The following TRIP12 variants were observed in gnomAD, a reference collection of about 807,000 sequenced individuals.
TRIP12 encodes the protein thyroid hormone receptor interactor 12.
A neutral mutation model predicts 244.2 loss-of-function variants in TRIP12; 25 were observed. The ratio of observed to expected loss-of-function variants is 0.10; its 90% confidence interval spans 0.07 to 0.14. The LOEUF (loss-of-function observed/expected upper bound fraction) is 0.14, where lower values mean the gene tolerates loss of function less well. TRIP12 is among the 10% of genes least tolerant of loss of function. TRIP12 has a pLI of 1.00. For synonymous variants in TRIP12, 905 were observed against 873.1 expected (o/e 1.04, Z -0.64); for missense variants, 1,677 against 2,486.4 (o/e 0.67, Z 6.92).
intron 3 of TRIP12, 63 bp from the exon 4 acceptor site, chr2:229,859,637 A>G (rs2060149281): frequency 1.3e-5 from 20 of 1,497,000 alleles, no homozygotes; most frequent in Non-Finnish European, 1.7e-5. Flanking sequence ...GTCATATATA[A>G]TGCTTTCAAA....
At chr2:229,791,809 A>G (rs769097998) in intron 29 of TRIP12, 57 bp downstream of exon 29, 262 of 1,566,332 alleles carry the variant, frequency 1.7e-4, no homozygotes, top group Admixed American at 2.1e-4. Context: ...GAATTCTAAA[A>G]CACAAGAACA....
intron 40 of TRIP12, 46 bp downstream of exon 40, chr2:229,769,183 CCA>C: frequency 6.4e-7 from 1 of 1,555,668 alleles, no homozygotes; most frequent in Non-Finnish European, 8.8e-7. Context: ...ACACCCCTCT[CCA>C]CATTCTTCAG....
chr2:229,919,992 A>C (rs1577251549), intron 1 of TRIP12, among the ~76,000 whole-genome samples: 2 of 152,346 alleles, frequency 1.3e-5, no homozygotes, highest in South Asian at 4.1e-4. Context: ...CATGTGGTAA[A>C]TATGAAAATC....
intron 38 of TRIP12, among the ~76,000 whole-genome samples, chr2:229,772,411 A>T (rs566980900): frequency 6.6e-6 from 1 of 152,352 alleles, no homozygotes; most frequent in Non-Finnish European, 1.5e-5. Flanking sequence ...CCTACTGAAT[A>T]CTAAAAGGAA....
intron 29 of TRIP12, 68 bp from the exon 30 acceptor site, chr2:229,791,319 C>T (rs897185704): frequency 6.6e-7 from 1 of 1,512,034 alleles, no homozygotes. Context: ...AAAATCTAAG[C>T]CACAGACACC....
intron 12 of TRIP12, 51 bp from the exon 13 acceptor site, chr2:229,814,082 A>G (rs778127910): frequency 6.5e-7 from 1 of 1,529,718 alleles, no homozygotes; most frequent in East Asian, 2.3e-5. Context: ...ATCAGCAATA[A>G]AAAATAATTT....
chr2:229,889,100 T>G (rs1298913288), intron 1 of TRIP12, among the ~76,000 whole-genome samples: 1 of 152,128 alleles, frequency 6.6e-6, no homozygotes, highest in Non-Finnish European at 1.5e-5. Flanking sequence ...ACTAACAGGA[T>G]CCCGCAGGGG....
intron 4 of TRIP12, among the ~76,000 whole-genome samples, chr2:229,843,224 A>G (rs1000094298): frequency 5.3e-5 from 8 of 151,730 alleles, no homozygotes; most frequent in African/African-American, 1.9e-4. Flanking sequence ...TCTTACCCCA[A>G]AGGTTTTGTG....
At chr2:229,880,647 T>C (rs935222869) in intron 1 of TRIP12, among the ~76,000 whole-genome samples, 1 of 152,112 alleles carries the variant, frequency 6.6e-6, no homozygotes, top group Non-Finnish European at 1.5e-5. Flanking sequence ...AAAAAATAAA[T>C]ACAAACAAAA....
In TRIP12 at chr2:229,765,297, C is replaced by G. The variant is rs2031417570; in HGVS notation, c.*2257G>C. ...AGTGCTCGTTGATAGGATTACCAAGCAAATGAATTTAAGGCATAACTGGAG... is the reference window on the plus strand; with the variant it reads ...AGTGCTCGTTGATAGGATTACCAAGGAAATGAATTTAAGGCATAACTGGAG... On this transcript the variant is annotated 3_prime_UTR_variant, in exon 42 of 42. Coordinates refer to ENST00000675903, the MANE Select transcript of TRIP12 (RefSeq NM_001348323.3). 6.6e-6 allele frequency: 1 copy of G among 152,140 alleles called. No individual in the cohort carries two copies. The allele number at this position is 152,140 out of a possible 1,614,324, so 9.4% of individuals were successfully genotyped here. A position where few individuals can be genotyped will look rare whatever the true frequency, so the allele number is the denominator to read the frequency against.
intron 1 of TRIP12, among the ~76,000 whole-genome samples, chr2:229,904,483 G>A (rs1576993679): frequency 6.7e-6 from 1 of 149,858 alleles, no homozygotes; most frequent in African/African-American, 2.5e-5. Flanking sequence ...TTATGGTTAA[G>A]TAAATATAAA....
At chr2:229,863,304 G>A (rs1216522416) in intron 2 of TRIP12, among the ~76,000 whole-genome samples, 1 of 149,320 alleles carries the variant, frequency 6.7e-6, no homozygotes, top group Admixed American at 6.7e-5. Context: ...TTATTTTAAA[G>A]TGTGATATTC....
chr2:229,898,263 T>G (rs2069468891), intron 1 of TRIP12, among the ~76,000 whole-genome samples: 1 of 152,240 alleles, frequency 6.6e-6, no homozygotes, highest in Non-Finnish European at 1.5e-5. Flanking sequence ...TCCCACTTTA[T>G]TTTTTACACC....
intron 1 of TRIP12, among the ~76,000 whole-genome samples, chr2:229,898,950 A>G (rs1049424196): frequency 6.6e-6 from 1 of 152,160 alleles, no homozygotes; most frequent in Non-Finnish European, 1.5e-5. Flanking sequence ...CGTTCCTCCA[A>G]CCTTGGCCTC....
At chr2:229,826,082 C>T (rs2051496219) in intron 8 of TRIP12, among the ~76,000 whole-genome samples, 1 of 152,022 alleles carries the variant, frequency 6.6e-6, no homozygotes, top group South Asian at 2.1e-4. Flanking sequence ...AATAATTTTT[C>T]CTGTATCAAC....
rs1187317024 is a variant in TRIP12 at position 229,922,002 on chromosome 2, GC to G, written c.-173del. On this transcript the variant is annotated 5_prime_UTR_variant, in exon 1 of 42. Transcript: ENST00000675903. The stretch of plus-strand genomic sequence containing the variant: ...CCGGGTTCCTTCAATTATCAGCTGA[GC>G]CGCAGCACCGCGCCCGGCGTGCGCC... The G allele has an allele frequency of 7.3e-5, 11 of 149,678 alleles. No homozygotes were observed. Among genetic ancestry groups the G allele is most frequent in the Admixed American group, 4.0e-4 (6 of 15,028 alleles). 9.3% of individuals were successfully genotyped at this position (149,678 alleles called of 1,614,324 possible).
chr2:229,893,849 T>C (rs976556014), intron 1 of TRIP12, among the ~76,000 whole-genome samples: 1 of 152,186 alleles, frequency 6.6e-6, no homozygotes, highest in South Asian at 2.1e-4. Context: ...TGAGTATAGG[T>C]GTGTGCCGCC....
rs150052415 is a variant in TRIP12 at position 229,857,281 on chromosome 2, A to T, written c.1027+1491T>A. ...TTATAAAATTAAAATGCTTTTAAAA[A>T]TTGTAGAGATAAGTGCTTTATTATC... On this transcript the variant is annotated intron_variant, in intron 4 of 41. Transcript: ENST00000675903. Among the ~76,000 whole-genome samples the T allele has an allele frequency of 2.9e-3, 438 of 152,332 alleles. 7 individuals carry two copies. Among genetic ancestry groups the T allele is most frequent in the African/African-American group, 8.0e-3 (333 of 41,576 alleles).
At chr2:229,806,414 A>G (rs1409421460) in intron 17 of TRIP12, among the ~76,000 whole-genome samples, 1 of 152,252 alleles carries the variant, frequency 6.6e-6, no homozygotes, top group Non-Finnish European at 1.5e-5. Flanking sequence ...TGTGTGGTAT[A>G]CAGAACATAT....
Sources: allele counts gnomAD v4.1 joint callset (sites outside exome capture counted in the v4.1 genomes callset), GRCh38; gene constraint gnomAD v4.1.1; transcripts MANE v1.5; gene names NCBI Gene and HGNC (gene_info 2026-07-23, HGNC 2026-07-21).